The following SPART variants were observed in gnomAD, a reference collection of about 807,000 sequenced individuals.
SPART encodes the protein spastic paraplegia 20 (Troyer syndrome).
SPART carries 35 observed loss-of-function variants against 58.7 expected under a neutral mutation model. The ratio of observed to expected loss-of-function variants is 0.60; its 90% confidence interval spans 0.46 to 0.79. SPART has a LOEUF of 0.79. Among genes scored for constraint, SPART ranks in the 30% least tolerant of loss-of-function variants. The pLI is 0.00. For missense variants in SPART, 730 were observed against 786.1 expected (o/e 0.93, Z 0.85); for synonymous variants, 284 against 280.7 (o/e 1.01, Z -0.12).
In SPART at chr13:36,335,639, A is replaced by T; in HGVS notation, c.192T>A (p.Ser64=). ...LRGISISSKE[S]EHTGPGWESA... ...ATTCCCACCCAGGACCTGTGTGTTC[A>T]GACTCTTTTGATGAAATGCTGATCC... is the stretch of plus-strand genomic sequence containing the variant. Residue 64 remains serine (S), a synonymous_variant, in exon 2 of 9, where the codon TCT becomes TCA. Transcript: ENST00000438666. The T allele has an allele frequency of 6.2e-7, 1 of 1,614,092 alleles. No homozygotes were observed. Among genetic ancestry groups the T allele is most frequent in the South Asian group, 1.1e-5 (1 of 91,062 alleles).
chr13:36,320,609 G>GC lies in SPART; in HGVS notation c.1288+5965dup, dbSNP rs1342682084. On this transcript the variant is annotated intron_variant, in intron 5 of 8. Coordinates refer to ENST00000438666, the MANE Select transcript of SPART (RefSeq NM_015087.5). ...CTACTACTCCTCAGGGATTATTCAG[G>GC]CCCCCTCCCTTCCCTACACATCAAG... 1.4e-4 allele frequency among the ~76,000 whole-genome samples: 22 copies of GC among 152,064 alleles called. No homozygotes were observed. In the East Asian group the frequency reaches 3.5e-3, roughly 24 times the overall value.
chr13:36,343,348 T>G lies in SPART; in HGVS notation c.-3+2877A>C, dbSNP rs189587535. 1.4e-4 allele frequency among the ~76,000 whole-genome samples: 21 copies of G among 152,224 alleles called. No individual in the cohort carries two copies. In the East Asian group the frequency reaches 4.1e-3, roughly 29 times the overall value. On this transcript the variant is annotated intron_variant, in intron 1 of 8. Transcript: ENST00000438666. ...CTGTGGGGTGGGGGTGATAAAAAAG[T>G]AAAATTTTTTAAAAAAGGAAGTGTG...
intron 5 of SPART, chr13:36,326,282 G>C (rs776585796): frequency 5.3e-6 from 2 of 379,892 alleles, no homozygotes; most frequent in Non-Finnish European, 9.9e-6. Flanking sequence ...AAGGGGAAAC[G>C]AACATAACTA....
chr13:36,332,567 G>A (rs1366894901), intron 2 of SPART, among the ~76,000 whole-genome samples: 1 of 152,170 alleles, frequency 6.6e-6, no homozygotes, highest in Admixed American at 6.5e-5. Flanking sequence ...ATAATTTTTT[G>A]TACTAAACCC....
chr13:36,338,959 A>G (rs2137587934), intron 1 of SPART, among the ~76,000 whole-genome samples: 1 of 152,190 alleles, frequency 6.6e-6, no homozygotes, highest in South Asian at 2.1e-4. Context: ...CTAGTGCTTC[A>G]CTCACACGCA....
chr13:36,324,880 G>A (rs1213300122), intron 5 of SPART, among the ~76,000 whole-genome samples: 1 of 152,136 alleles, frequency 6.6e-6, no homozygotes, highest in Non-Finnish European at 1.5e-5. Context: ...GCAGGAGTGG[G>A]GGTCGCAAGG....
chr13:36,304,767 T>G, intron 8 of SPART, 135 bp from the exon 9 acceptor site: 1 of 883,174 alleles, frequency 1.1e-6, no homozygotes, highest in African/African-American at 1.7e-5. Flanking sequence ...TTCAATTTAA[T>G]TAATAACTTA....
At chr13:36,353,033 C>A (rs947672852) in intron 1 of SPART, among the ~76,000 whole-genome samples, 1 of 152,096 alleles carries the variant, frequency 6.6e-6, no homozygotes, top group African/African-American at 2.4e-5. Context: ...AGACTCAGAA[C>A]GAAATTTCCA....
intron 1 of SPART, among the ~76,000 whole-genome samples, chr13:36,343,724 A>C (rs1050062075): frequency 3.3e-5 from 5 of 152,172 alleles, no homozygotes; most frequent in Admixed American, 1.3e-4. Context: ...TAAGCTCTCT[A>C]TATGTGTCTG....
intron 1 of SPART, among the ~76,000 whole-genome samples, chr13:36,360,081 G>T (rs1885791908): frequency 6.6e-6 from 1 of 151,738 alleles, no homozygotes; most frequent in African/African-American, 2.4e-5. Context: ...AGATCACGAG[G>T]TCAGGAGATC....
At chr13:36,311,162 TG>T (rs762188707) in intron 8 of SPART, among the ~76,000 whole-genome samples, 2 of 152,158 alleles carry the variant, frequency 1.3e-5, no homozygotes, top group East Asian at 1.9e-4. Flanking sequence ...CACCTGGTCA[TG>T]GGTGTGCCAG....
chr13:36,345,970 T>TA (rs527823139), intron 1 of SPART, among the ~76,000 whole-genome samples: 198 of 152,310 alleles, frequency 1.3e-3, no homozygotes, highest in Non-Finnish European at 2.1e-3. Flanking sequence ...GTCCATGGGT[T>TA]AAGAGGCCGA....
In SPART at chr13:36,365,549, C is replaced by A. The variant is rs557936993; in HGVS notation, c.-3+4540G>T. 5 of 443,130 alleles carry A rather than the reference C, an allele frequency of 1.1e-5. No individual in the cohort carries two copies. In the Admixed American group the frequency reaches 1.3e-4, roughly 11 times the overall value. 27.4% of individuals were successfully genotyped at this position (443,130 alleles called of 1,614,324 possible). ...TTCCTGGATTTCTTCTCCTATAAAC[C>A]GCCTATTGATACCTACCCACTTCTC... On this transcript the variant is annotated intron_variant, in intron 1 of 8. Transcript: ENST00000355182.
intron 1 of SPART, among the ~76,000 whole-genome samples, chr13:36,344,974 C>T (rs976892192): frequency 3.9e-5 from 6 of 152,090 alleles, no homozygotes; most frequent in Non-Finnish European, 7.4e-5. Flanking sequence ...TTAAAAAATA[C>T]CCGAGAAAAG....
chr13:36,331,326 C>A (rs1001209453), intron 3 of SPART, 73 bp downstream of exon 3: 1 of 1,305,284 alleles, frequency 7.7e-7, no homozygotes, highest in African/African-American at 1.5e-5. Context: ...GAGGTTATTA[C>A]AATTTCTCTA....
upstream of SPART, among the ~76,000 whole-genome samples, chr13:36,350,638 C>G (rs960987846): frequency 2.6e-5 from 4 of 152,034 alleles, no homozygotes; most frequent in African/African-American, 7.2e-5. Flanking sequence ...TTTTTTCTTA[C>G]CAGATCCTTC....
At chr13:36,328,541 A>G (rs1238214387) in intron 4 of SPART, among the ~76,000 whole-genome samples, 1 of 152,192 alleles carries the variant, frequency 6.6e-6, no homozygotes, top group Non-Finnish European at 1.5e-5. Flanking sequence ...TGCATCTTCT[A>G]TCTAATAGCC....
intron 1 of SPART, among the ~76,000 whole-genome samples, chr13:36,341,922 C>A (rs1312225513): frequency 6.6e-6 from 1 of 152,122 alleles, no homozygotes; most frequent in Non-Finnish European, 1.5e-5. Flanking sequence ...CATAAGATTG[C>A]CACATCTTTC....
upstream of SPART, among the ~76,000 whole-genome samples, chr13:36,349,844 C>G (rs1885343730): frequency 6.6e-6 from 1 of 152,166 alleles, no homozygotes; most frequent in Non-Finnish European, 1.5e-5. Context: ...TGGGCTGTGC[C>G]AAGCACCTGA....
Sources: allele counts gnomAD v4.1 joint callset (sites outside exome capture counted in the v4.1 genomes callset), GRCh38; gene constraint gnomAD v4.1.1; transcripts MANE v1.5; gene names NCBI Gene and HGNC (gene_info 2026-07-23, HGNC 2026-07-21).